Variants in IL31RA observed in about 807,000 individuals in gnomAD.
The protein encoded by IL31RA is interleukin 31 receptor A.
IL31RA carries 66 observed loss-of-function variants against 83.7 expected under a neutral mutation model. The ratio of observed to expected loss-of-function variants is 0.79; its 90% CI spans 0.65 to 0.97. The LOEUF (loss-of-function observed/expected upper bound fraction) is 0.97, where lower values mean the gene tolerates loss of function less well. IL31RA is among the 50% of genes least tolerant of loss of function. IL31RA has a pLI of 0.00. For missense variants in IL31RA, 798 were observed against 919.4 expected, an observed-to-expected ratio of 0.87 and a Z score of 1.71; for synonymous variants, 325 against 329.0, an observed-to-expected ratio of 0.99 and a Z score of 0.13.
In IL31RA at chr5:55,859,517, C is replaced by T; in HGVS notation, c.72C>T (p.Pro24=). 1.2e-6 allele frequency: 2 copies of T among 1,613,622 alleles called. No homozygotes were observed. Among genetic ancestry groups the T allele is most frequent in the Non-Finnish European group, 1.7e-6 (2 of 1,179,544 alleles). Residue 24 remains proline, a synonymous_variant, in exon 2 of 15, where the codon CCC becomes CCT. Coordinates refer to ENST00000652347, the MANE Select transcript of IL31RA (RefSeq NM_139017.7). ...VCECPQNILS[P]QPSCVNLGMM... ...ACTGATGTCATTTTCAGCTCTCTCCCCAGCCTTCATGTGTTAACCTGGGGA... is the reference window on the plus strand; with the variant it reads ...ACTGATGTCATTTTCAGCTCTCTCCTCAGCCTTCATGTGTTAACCTGGGGA...
At position 55,903,918 on chromosome 5, in the gene IL31RA, G is replaced by T. The variant is rs1443060972; in HGVS notation, c.1070-2188G>T. Among the ~76,000 whole-genome samples, 1 of 152,212 alleles carries T rather than the reference G, an allele frequency of 6.6e-6. No homozygotes were observed. Among genetic ancestry groups the T allele is most frequent in the Non-Finnish European group, 1.5e-5 (1 of 68,026 alleles). The stretch of plus-strand genomic sequence containing the variant: ...CCACATCAAGGTGCTGGTTGGCCAT[G>T]CTCCCTAAAGTCTCTAGGGGAGAAT... On this transcript the variant is annotated intron_variant, in intron 8 of 14. Transcript: ENST00000652347. This position sits in a 1 kb window ranked among gnomAD's most constrained non-coding sequence, Gnocchi z 4.7.
In IL31RA at chr5:55,868,808, G is replaced by T; in HGVS notation, c.172G>T (p.Glu58Ter). 6.2e-7 allele frequency: 1 copy of T among 1,604,732 alleles called. No individual in the cohort carries two copies. Among genetic ancestry groups the T allele is most frequent in the South Asian group, 1.1e-5 (1 of 90,874 alleles). Residue 58 changes from glutamate (E) to a stop codon, truncating the protein, a stop_gained, in exon 3 of 15, where the codon GAG becomes TAG. Coordinates refer to ENST00000652347, the MANE Select transcript of IL31RA (RefSeq NM_139017.7). LOFTEE classifies it high-confidence loss of function. ...TTATTTAGCTCTGCCAGCTAAGCCT[G>T]AGAACATTTCCTGTGTCTACTACTA... ...FSLAALPAKP[E>*]NISCVYYYRK...
rs1750056531 is a variant in IL31RA, at chr5:55,920,797, C to G, written c.*3677C>G. On this transcript the variant is annotated 3_prime_UTR_variant, in exon 15 of 15. Transcript: ENST00000652347. Reference sequence around the variant, plus strand: ...CACACACTTACTGGTTCCCCACCAGCCCTCCTAAATTCCTGTCCCCTTCCC... The same window carrying G: ...CACACACTTACTGGTTCCCCACCAGGCCTCCTAAATTCCTGTCCCCTTCCC... Among the ~76,000 whole-genome samples, 1 of 152,220 alleles carries G rather than the reference C, an allele frequency of 6.6e-6. No homozygotes were observed.
chr5:55,882,392 A>G (rs567652498), intron 4 of IL31RA, among the ~76,000 whole-genome samples: 1 of 152,352 alleles, frequency 6.6e-6, no homozygotes, highest in Non-Finnish European at 1.5e-5. Flanking sequence ...AGCTTTATTT[A>G]GCGTAATACC....
Sources: gnomAD v4.1 joint callset for allele counts (sites outside exome capture counted in the v4.1 genomes callset) on GRCh38, gnomAD v4.1.1 for gene constraint, Gnocchi (gnomAD v3.1) non-coding constraint, MANE v1.5 for transcripts, NCBI Gene and HGNC (gene_info 2026-07-23, HGNC 2026-07-21) for gene names.